The following IMMP2L variants were observed in gnomAD, a reference collection of about 807,000 sequenced individuals.
IMMP2L encodes mitochondrial inner membrane protease subunit 2.
Under a neutral mutation model 19.3 loss-of-function variants are expected in IMMP2L, and 18 were observed. That is an observed-to-expected ratio of 0.93 (90% CI 0.64 to 1.38). IMMP2L has a LOEUF of 1.38. IMMP2L is among the 40% of genes most tolerant of loss of function. IMMP2L has a pLI of 0.00. For synonymous variants in IMMP2L, 76 were observed against 73.0 expected (o/e 1.04, Z -0.21); for missense variants, 233 against 218.2 (o/e 1.07, Z -0.43).
chr7:111,098,894 A>G (rs1020185921), intron 3 of IMMP2L, among the ~76,000 whole-genome samples: 1 of 151,764 alleles, frequency 6.6e-6, no homozygotes, highest in African/African-American at 2.4e-5. Context: ...TCCAAGAGTC[A>G]GATTCTCTAT....
intron 3 of IMMP2L, among the ~76,000 whole-genome samples, chr7:111,408,136 C>T: frequency 6.7e-6 from 1 of 149,156 alleles, no homozygotes; most frequent in East Asian, 1.9e-4. Flanking sequence ...TTATCTAAAA[C>T]AAACCAAAAA....
intron 3 of IMMP2L, among the ~76,000 whole-genome samples, chr7:111,205,693 A>G (rs1259801067): frequency 5.3e-5 from 8 of 152,166 alleles, no homozygotes; most frequent in Non-Finnish European, 1.2e-4. Flanking sequence ...TAAAAAAAAG[A>G]TTAAATTATG....
intron 3 of IMMP2L, among the ~76,000 whole-genome samples, chr7:110,991,489 T>A (rs1393453171): frequency 6.6e-6 from 1 of 152,266 alleles, no homozygotes; most frequent in South Asian, 2.1e-4. Flanking sequence ...GGTCAGTGTG[T>A]CTTTGTCACT....
chr7:111,173,620 AT>A (rs1297115914), intron 3 of IMMP2L, among the ~76,000 whole-genome samples: 3 of 151,608 alleles, frequency 2.0e-5, no homozygotes, highest in Non-Finnish European at 3.0e-5. Context: ...TATAATTTGT[AT>A]GTCCAGACTC....
chr7:111,180,371 G>A (rs1236699467), intron 3 of IMMP2L, among the ~76,000 whole-genome samples: 1 of 151,950 alleles, frequency 6.6e-6, no homozygotes, highest in African/African-American at 2.4e-5. Context: ...GGAGGCCTGA[G>A]GAGAGGAAAA....
Position 110,692,062 on chromosome 7 carries a change from C to T in IMMP2L, c.409-28341G>A, listed in dbSNP as rs192099490. 2.0e-5 allele frequency among the ~76,000 whole-genome samples: 3 copies of T among 152,222 alleles called. No homozygotes were observed. In the East Asian group the frequency reaches 5.8e-4, roughly 29 times the overall value. ...CAAAGAAATGGAACCAACCTAAATG[C>T]TCATTCAACACTGAGTGGATAAAGA... On this transcript the variant is annotated intron_variant, in intron 5 of 5. Coordinates refer to ENST00000405709, the MANE Select transcript of IMMP2L (RefSeq NM_032549.4).
chr7:111,443,985 TTAAA>T (rs1447904916), intron 3 of IMMP2L, among the ~76,000 whole-genome samples: 2 of 152,180 alleles, frequency 1.3e-5, no homozygotes, highest in Non-Finnish European at 2.9e-5. Context: ...TGAAAAATGT[TTAAA>T]TAGATTTTAA....
intron 4 of IMMP2L, among the ~76,000 whole-genome samples, chr7:110,944,493 G>C (rs1199809253): frequency 6.6e-6 from 1 of 151,988 alleles, no homozygotes; most frequent in African/African-American, 2.4e-5. Context: ...GCGCGTGTGT[G>C]TGTAAAACAG....
intron 3 of IMMP2L, among the ~76,000 whole-genome samples, chr7:111,420,856 G>A (rs1338045241): frequency 6.6e-6 from 1 of 151,716 alleles, no homozygotes; most frequent in Non-Finnish European, 1.5e-5. Context: ...GAATAGTGCT[G>A]CAATAAACAT....
At chr7:110,955,493 T>C (rs1818272292) in intron 4 of IMMP2L, among the ~76,000 whole-genome samples, 1 of 151,728 alleles carries the variant, frequency 6.6e-6, no homozygotes. Flanking sequence ...CCCTTGTCTA[T>C]TAAACAGCAG....
intron 1 of IMMP2L, among the ~76,000 whole-genome samples, chr7:111,538,241 T>A (rs898304890): frequency 6.6e-6 from 1 of 151,996 alleles, no homozygotes; most frequent in Non-Finnish European, 1.5e-5. Context: ...TTGAAGAAAT[T>A]AATTAACCAC....
intron 4 of IMMP2L, among the ~76,000 whole-genome samples, chr7:110,949,197 A>G (rs966831387): frequency 1.3e-5 from 2 of 152,256 alleles, no homozygotes; most frequent in Middle Eastern, 3.4e-3. Context: ...CCCCTCTCAT[A>G]TATCTGTACA....
chr7:111,202,200 T>C (rs1053360451), intron 3 of IMMP2L, among the ~76,000 whole-genome samples: 6 of 152,158 alleles, frequency 3.9e-5, no homozygotes, highest in East Asian at 1.9e-4. Context: ...TCCTTTGATA[T>C]CAGGTTATAA....
intron 3 of IMMP2L, among the ~76,000 whole-genome samples, chr7:111,154,205 A>T (rs981971644): frequency 3.9e-5 from 6 of 152,138 alleles, no homozygotes; most frequent in African/African-American, 1.2e-4. Flanking sequence ...AAATGTTAAA[A>T]ATAAAATTAA....
At chr7:110,963,362 A>T in intron 4 of IMMP2L, 138 bp downstream of exon 4, 1 of 627,708 alleles carries the variant, frequency 1.6e-6, no homozygotes, top group East Asian at 2.8e-5. Context: ...AATGATGCTC[A>T]CTAAAGATGT....
At chr7:110,977,442 G>A (rs1249334258) in intron 3 of IMMP2L, among the ~76,000 whole-genome samples, 1 of 152,000 alleles carries the variant, frequency 6.6e-6, no homozygotes, top group African/African-American at 2.4e-5. Context: ...GTCTCAGAAT[G>A]AGATAATAAA....
At chr7:111,172,491 T>C (rs1462584094) in intron 3 of IMMP2L, among the ~76,000 whole-genome samples, 9 of 151,604 alleles carry the variant, frequency 5.9e-5, no homozygotes, top group African/African-American at 2.2e-4. Context: ...TTTCTTTGTG[T>C]TGAGAACATT....
chr7:110,867,317 G>A (rs1035948032), intron 5 of IMMP2L, among the ~76,000 whole-genome samples: 1 of 151,652 alleles, frequency 6.6e-6, no homozygotes, highest in African/African-American at 2.4e-5. Context: ...CATCATGAGG[G>A]GCTCCACCCT....
At chr7:110,980,596 G>A (rs1234681766) in intron 3 of IMMP2L, among the ~76,000 whole-genome samples, 2 of 152,064 alleles carry the variant, frequency 1.3e-5, no homozygotes, top group Non-Finnish European at 2.9e-5. Context: ...ACATGATGTG[G>A]ATTCAGTGAG....
Sources: allele counts gnomAD v4.1 joint callset (sites outside exome capture counted in the v4.1 genomes callset), GRCh38; gene constraint gnomAD v4.1.1; transcripts MANE v1.5; gene names NCBI Gene and HGNC (gene_info 2026-07-23, HGNC 2026-07-21).